NTRK2: variants seen among roughly 807,000 people sequenced by gnomAD.
NTRK2 encodes the protein neurotrophic receptor tyrosine kinase 2, also known as BDNF/NT-3 growth factors receptor.
NTRK2 carries 13 observed loss-of-function variants against 94.5 expected under a neutral mutation model. That is an observed-to-expected ratio of 0.14 (90% CI 0.09 to 0.22). NTRK2 has a LOEUF of 0.22. NTRK2 is among the 10% of genes least tolerant of loss of function. The pLI is 1.00. For synonymous variants in NTRK2, 372 were observed against 407.4 expected (o/e 0.91, Z 1.05); for missense variants, 639 against 1,071.2 (o/e 0.60, Z 5.63).
Position 84,736,047 on chromosome 9 carries a change from G to A in NTRK2, c.1160-5845G>A, listed in dbSNP as rs376583838. On this transcript the variant is annotated intron_variant, in intron 9 of 18. Transcript: ENST00000277120. The stretch of plus-strand genomic sequence containing the variant: ...GTAGTCCTATAAATGTGAACATCAC[G>A]TTGATGCAAAGTAGATTCTGTTCAG... 2.7e-4 allele frequency among the ~76,000 whole-genome samples: 41 copies of A among 152,342 alleles called. 1 individual carries two copies. The highest frequency in any genetic ancestry group is 8.9e-4 in the African/African-American group (37 of 41,568).
intron 12 of NTRK2, among the ~76,000 whole-genome samples, chr9:84,829,407 TCAAA>T (rs1164586470): frequency 6.6e-6 from 1 of 152,218 alleles, no homozygotes; most frequent in Non-Finnish European, 1.5e-5. Flanking sequence ...CAGGTAATAG[TCAAA>T]CAAAGCACAT....
chr9:84,762,818 T>C (rs1282158406), intron 12 of NTRK2, among the ~76,000 whole-genome samples: 1 of 152,228 alleles, frequency 6.6e-6, no homozygotes, highest in Non-Finnish European at 1.5e-5. Context: ...ACTTTCTCTG[T>C]CACTTCAGGT....
chr9:84,843,338 C>T (rs912402579), intron 12 of NTRK2, among the ~76,000 whole-genome samples: 2 of 152,144 alleles, frequency 1.3e-5, no homozygotes, highest in East Asian at 1.9e-4. Flanking sequence ...GCCTCCCCTC[C>T]CAGCACAGCA....
At chr9:84,815,187 G>A (rs2072258991) in intron 12 of NTRK2, 2 of 1,057,040 alleles carry the variant, frequency 1.9e-6, no homozygotes, top group Non-Finnish European at 1.1e-6. Flanking sequence ...TGATGGTGAG[G>A]TAACTCTAAG....
chr9:84,890,421 A>C, intron 14 of NTRK2, among the ~76,000 whole-genome samples: 1 of 152,122 alleles, frequency 6.6e-6, no homozygotes, highest in East Asian at 1.9e-4. Context: ...CTTTTTTATG[A>C]AGGGGCCATT....
At chr9:84,925,082 T>C (rs1214839778) in intron 14 of NTRK2, among the ~76,000 whole-genome samples, 1 of 152,172 alleles carries the variant, frequency 6.6e-6, no homozygotes, top group African/African-American at 2.4e-5. Flanking sequence ...GTTAGCTCAC[T>C]GAAAATCTCT....
chr9:84,778,891 A>C (rs2067298740), intron 12 of NTRK2, among the ~76,000 whole-genome samples: 1 of 152,060 alleles, frequency 6.6e-6, no homozygotes, highest in Non-Finnish European at 1.5e-5. Context: ...CTCCCTCCTC[A>C]ATGTTGAGGG....
intron 9 of NTRK2, among the ~76,000 whole-genome samples, chr9:84,734,452 T>C (rs2063110986): frequency 1.3e-5 from 2 of 152,226 alleles, no homozygotes. Flanking sequence ...AAAAAGGATC[T>C]TGAGACTCTA....
At chr9:84,812,571 G>A in intron 12 of NTRK2, 1 of 1,046,310 alleles carries the variant, frequency 9.6e-7, no homozygotes, top group Non-Finnish European at 1.2e-6. Flanking sequence ...CCAGCTAATA[G>A]CAGAAATCAT....
chr9:84,897,698 C>A (rs979029680), intron 14 of NTRK2, among the ~76,000 whole-genome samples: 4 of 152,210 alleles, frequency 2.6e-5, no homozygotes, highest in Admixed American at 2.6e-4. Flanking sequence ...AGTGTGGAAG[C>A]AAGCCCTTCC....
At position 84,729,601 on chromosome 9, in the gene NTRK2, C is replaced by G. The variant is rs188363321; in HGVS notation, c.1159+1642C>G. Among the ~76,000 whole-genome samples, 347 of 152,304 alleles carry G rather than the reference C, an allele frequency of 2.3e-3. 1 individual carries two copies. Among genetic ancestry groups the G allele is most frequent in the African/African-American group, 8.0e-3 (333 of 41,562 alleles). On this transcript the variant is annotated intron_variant, in intron 9 of 18. Coordinates refer to ENST00000277120, the MANE Select transcript of NTRK2 (RefSeq NM_006180.6). Reference sequence around the variant, plus strand: ...AAAGATAGTATAGAGCGTTCACAGCCTTATCACCTCCCCCACCATTGTTAA... The same window carrying G: ...AAAGATAGTATAGAGCGTTCACAGCGTTATCACCTCCCCCACCATTGTTAA...
At chr9:84,860,154 G>A (rs2075264264) in intron 12 of NTRK2, among the ~76,000 whole-genome samples, 1 of 152,162 alleles carries the variant, frequency 6.6e-6, no homozygotes, top group Non-Finnish European at 1.5e-5. Flanking sequence ...TATGACAGAG[G>A]AGGGAAACAC....
At chr9:84,964,020 G>A (rs764581774) in intron 17 of NTRK2, among the ~76,000 whole-genome samples, 7 of 152,140 alleles carry the variant, frequency 4.6e-5, no homozygotes, top group Non-Finnish European at 1.0e-4. Context: ...ATATTTCAAT[G>A]TATTTGTAAT....
intron 6 of NTRK2, among the ~76,000 whole-genome samples, chr9:84,718,358 C>G (rs535430970): frequency 1.3e-5 from 2 of 151,920 alleles, no homozygotes; most frequent in Non-Finnish European, 2.9e-5. Flanking sequence ...AACAAGATAC[C>G]CTGGTGATTC....
intron 12 of NTRK2, among the ~76,000 whole-genome samples, chr9:84,795,447 C>A (rs1190057799): frequency 6.6e-6 from 1 of 152,108 alleles, no homozygotes; most frequent in Non-Finnish European, 1.5e-5. Flanking sequence ...TTGGGAAACG[C>A]GAGGGCTGAG....
intron 17 of NTRK2, among the ~76,000 whole-genome samples, chr9:85,013,186 C>T (rs927556719): frequency 7.2e-5 from 11 of 152,274 alleles, no homozygotes; most frequent in East Asian, 1.9e-4. Flanking sequence ...TGAATAGCTA[C>T]GTGCCTAGAA....
Position 85,024,719 on chromosome 9 carries a change from C to A in NTRK2, c.*3282C>A. The A allele has an allele frequency of 4.3e-6, 1 of 233,100 alleles. No individual in the cohort carries two copies. Among genetic ancestry groups the A allele is most frequent in the East Asian group, 6.0e-5 (1 of 16,532 alleles). The allele number at this position is 233,100 out of a possible 1,614,324, so 14.4% of individuals were successfully genotyped here. Reference sequence around the variant, plus strand: ...AGGAAATACAGGAGATGACAAGCAACTGAGATATTGTGATATATAATCATG... The same window carrying A: ...AGGAAATACAGGAGATGACAAGCAAATGAGATATTGTGATATATAATCATG... On this transcript the variant is annotated 3_prime_UTR_variant, in exon 19 of 19. Transcript: ENST00000277120.
intron 14 of NTRK2, among the ~76,000 whole-genome samples, chr9:84,926,160 T>A (rs2077781573): frequency 1.2e-5 from 1 of 80,844 alleles, no homozygotes; most frequent in Non-Finnish European, 2.7e-5. Flanking sequence ...CTTCCTTCCT[T>A]CCTTCCTTCC....
At chr9:84,898,980 C>T (rs936106604) in intron 14 of NTRK2, among the ~76,000 whole-genome samples, 2 of 152,138 alleles carry the variant, frequency 1.3e-5, no homozygotes, top group African/African-American at 2.4e-5. Flanking sequence ...GGATTACAGG[C>T]GTCTTCAGTT....
Sources: allele counts gnomAD v4.1 joint callset (sites outside exome capture counted in the v4.1 genomes callset), GRCh38; gene constraint gnomAD v4.1.1; transcripts MANE v1.5; gene names NCBI Gene and HGNC (gene_info 2026-07-23, HGNC 2026-07-21).